LCMT1: variants seen among roughly 807,000 people sequenced by gnomAD.
LCMT1 encodes the protein [Phosphatase 2A protein]-leucine-carboxy methyltransferase 1.
In LCMT1, 32 loss-of-function variants were observed where a neutral mutation model predicts 47.7. The ratio of observed to expected loss-of-function variants is 0.67; its 90% CI spans 0.51 to 0.90. LCMT1 has a LOEUF of 0.90. LCMT1 is among the 40% of genes least tolerant of loss of function. LCMT1 has a pLI of 0.00. For missense variants in LCMT1, 375 were observed against 415.2 expected, an observed-to-expected ratio of 0.90 and a Z score of 0.84; for synonymous variants, 152 against 149.7, an observed-to-expected ratio of 1.02 and a Z score of -0.11.
At chr16:25,144,894 T>C (rs1960804631) in intron 4 of LCMT1, 1 of 152,112 alleles carries the variant, frequency 6.6e-6, no homozygotes, top group African/African-American at 2.4e-5. Context: ...ACATACAAGG[T>C]AAGTGGTTTT....
Position 25,111,774 on chromosome 16 carries a change from G to T in LCMT1, c.-110G>T, listed in dbSNP as rs566032871. On this transcript the variant is annotated 5_prime_UTR_variant, in exon 1 of 11. Coordinates refer to ENST00000399069, the MANE Select transcript of LCMT1 (RefSeq NM_016309.3). ...AGCCGCGCCAGCTGAGCCAGGTAGGGCCCTACCCTCTTCTGTTGCTTTCTC... is the reference window on the plus strand; with the variant it reads ...AGCCGCGCCAGCTGAGCCAGGTAGGTCCCTACCCTCTTCTGTTGCTTTCTC... 5.4e-6 allele frequency: 4 copies of T among 744,084 alleles called. No homozygotes were observed. Among genetic ancestry groups the T allele is most frequent in the Non-Finnish European group, 7.1e-6 (3 of 425,436 alleles). The allele number at this position is 744,084 out of a possible 1,614,324, so 46.1% of individuals were successfully genotyped here.
chr16:25,120,731 G>GT (rs1434579218), intron 1 of LCMT1, among the ~76,000 whole-genome samples: 36 of 132,456 alleles, frequency 2.7e-4, no homozygotes, highest in African/African-American at 4.9e-4. Flanking sequence ...ACCTGGCCTT[G>GT]TTTTTTTGTT....
At chr16:25,154,050 C>T (rs1164860108) in intron 5 of LCMT1, among the ~76,000 whole-genome samples, 1 of 152,030 alleles carries the variant, frequency 6.6e-6, no homozygotes, top group African/African-American at 2.4e-5. Context: ...CCCTCTGTCA[C>T]CCAGGCTGGA....
At chr16:25,151,713 G>A in intron 5 of LCMT1, 98 bp downstream of exon 5, 1 of 794,780 alleles carries the variant, frequency 1.3e-6, no homozygotes, top group Non-Finnish European at 2.1e-6. Flanking sequence ...GTGTGTGTGT[G>A]TGTGTGTGTG....
Position 25,178,158 on chromosome 16 carries a change from AG to A in LCMT1, c.*136del. On this transcript the variant is annotated 3_prime_UTR_variant, in exon 11 of 11. Transcript: ENST00000399069. ...ACTCTTGAGAAGCCTTGGTCACTAC[AG>A]TGGTCGCACATGTTCCTCTTCCTGT... is the stretch of plus-strand genomic sequence containing the variant. 2 of 731,418 alleles carry A rather than the reference AG, an allele frequency of 2.7e-6. No individual in the cohort carries two copies. The highest frequency in any genetic ancestry group is 4.7e-6 in the Non-Finnish European group (2 of 427,892). 45.3% of individuals were successfully genotyped at this position (731,418 alleles called of 1,614,324 possible).
At chr16:25,149,451 G>A (rs1851466258) in intron 4 of LCMT1, among the ~76,000 whole-genome samples, 1 of 152,128 alleles carries the variant, frequency 6.6e-6, no homozygotes, top group African/African-American at 2.4e-5. Context: ...TAAGTAGAAG[G>A]TCTGGTTAAA....
chr16:25,116,728 A>C (rs1319340186), intron 1 of LCMT1, among the ~76,000 whole-genome samples: 1 of 151,820 alleles, frequency 6.6e-6, no homozygotes, highest in Non-Finnish European at 1.5e-5. Context: ...AAAAAAAAAA[A>C]AAAAAAATAC....
intron 3 of LCMT1, among the ~76,000 whole-genome samples, chr16:25,133,686 C>A (rs1005279926): frequency 6.7e-6 from 1 of 148,454 alleles, no homozygotes; most frequent in African/African-American, 2.5e-5. Context: ...CGTGAGCCAC[C>A]GTGCCTGGCC....
At chr16:25,154,740 G>A (rs763833904) in intron 5 of LCMT1, among the ~76,000 whole-genome samples, 1 of 151,828 alleles carries the variant, frequency 6.6e-6, no homozygotes, top group Admixed American at 6.6e-5. Context: ...CACCGGCCTC[G>A]GCCTCCCAAA....
At chr16:25,152,511 T>TA (rs1365604845) in intron 5 of LCMT1, among the ~76,000 whole-genome samples, 2 of 152,242 alleles carry the variant, frequency 1.3e-5, no homozygotes, top group African/African-American at 4.8e-5. Context: ...TGAGTCTTTT[T>TA]AGATGTCCTT....
chr16:25,117,833 C>CAG (rs903540645), intron 1 of LCMT1, among the ~76,000 whole-genome samples: 1 of 145,908 alleles, frequency 6.9e-6, no homozygotes, highest in Non-Finnish European at 1.5e-5. Flanking sequence ...GCCTGGGCGA[C>CAG]AGAGAGAGAC....
At chr16:25,114,553 A>G (rs1597552746) in intron 1 of LCMT1, among the ~76,000 whole-genome samples, 2 of 152,124 alleles carry the variant, frequency 1.3e-5, no homozygotes, top group South Asian at 2.1e-4. Flanking sequence ...CCATCATGCT[A>G]TGCCACTGAG....
chr16:25,123,006 G>A (rs530449324), intron 1 of LCMT1, among the ~76,000 whole-genome samples: 6 of 151,992 alleles, frequency 3.9e-5, no homozygotes, highest in Non-Finnish European at 8.8e-5. Flanking sequence ...TTTATAGGTT[G>A]GGAGTTTTGG....
intron 5 of LCMT1, among the ~76,000 whole-genome samples, chr16:25,155,676 CTTT>C (rs35255738): frequency 9.3e-5 from 13 of 140,448 alleles, no homozygotes; most frequent in Non-Finnish European, 1.1e-4. Context: ...TTCTTTCTTT[CTTT>C]TTTTTTTTTT....
In LCMT1 at chr16:25,140,245, C is replaced by A. The variant is rs968410752; in HGVS notation, c.402C>A (p.Ile134=). ...TTGTCACGAGAAAGCTGCACAGTAT[C>A]AAGTAAGTGTGGCATGGCCAGAAGA... The part of the protein sequence containing the change: ...PMIVTRKLHS[I]KCKPPLSSPI... The change falls in exon 4 of 11, where the codon ATC becomes ATA. Residue 134 remains isoleucine, a splice_region_variant and synonymous_variant. Transcript: ENST00000399069. The A allele has an allele frequency of 6.3e-7, 1 of 1,593,470 alleles. No individual in the cohort carries two copies. Among genetic ancestry groups the A allele is most frequent in the South Asian group, 1.1e-5 (1 of 87,710 alleles).
intron 3 of LCMT1, among the ~76,000 whole-genome samples, chr16:25,133,189 A>T (rs1049715440): frequency 2.6e-5 from 4 of 151,848 alleles, no homozygotes; most frequent in African/African-American, 9.7e-5. Context: ...AGTAACTAAG[A>T]TTTTGTCAGG....
chr16:25,126,743 A>G (rs1960204285), intron 1 of LCMT1, among the ~76,000 whole-genome samples: 1 of 152,216 alleles, frequency 6.6e-6, no homozygotes, highest in South Asian at 2.1e-4. Flanking sequence ...CAAATTGATC[A>G]GGTTTTCAAC....
At chr16:25,118,813 G>A (rs1959879401) in intron 1 of LCMT1, among the ~76,000 whole-genome samples, 1 of 152,106 alleles carries the variant, frequency 6.6e-6, no homozygotes, top group African/African-American at 2.4e-5. Context: ...GTGAGGGATG[G>A]GGATGAGTGC....
chr16:25,121,031 G>T (rs1026773730), intron 1 of LCMT1, among the ~76,000 whole-genome samples: 21 of 151,018 alleles, frequency 1.4e-4, no homozygotes, highest in African/African-American at 4.4e-4. Flanking sequence ...AAAGTGCTAG[G>T]ATTATAGGCA....
Sources: gnomAD v4.1 joint callset for allele counts (sites outside exome capture counted in the v4.1 genomes callset) on GRCh38, gnomAD v4.1.1 for gene constraint, MANE v1.5 for transcripts, NCBI Gene and HGNC (gene_info 2026-07-23, HGNC 2026-07-21) for gene names.